The following TMEM87B variants were observed in gnomAD, a reference collection of about 807,000 sequenced individuals.
TMEM87B encodes the protein transmembrane protein 87B.
Under a neutral mutation model 80.3 loss-of-function variants are expected in TMEM87B, and 83 were observed. That is an observed-to-expected ratio of 1.03 (90% CI 0.87 to 1.24). The LOEUF is 1.24. TMEM87B is among the 50% of genes most tolerant of loss of function. TMEM87B has a pLI of 0.00. For missense variants in TMEM87B, 625 were observed against 674.4 expected, an observed-to-expected ratio of 0.93 and a Z score of 0.81; for synonymous variants, 219 against 230.5, an observed-to-expected ratio of 0.95 and a Z score of 0.45.
intron 4 of TMEM87B, among the ~76,000 whole-genome samples, chr2:112,074,465 C>G (rs1678749815): frequency 6.6e-6 from 1 of 152,072 alleles, no homozygotes; most frequent in South Asian, 2.1e-4. Context: ...TTGTGGGTGA[C>G]CTGACCTTTC....
At chr2:112,087,357 C>G (rs1213702456) in intron 9 of TMEM87B, among the ~76,000 whole-genome samples, 1 of 152,158 alleles carries the variant, frequency 6.6e-6, no homozygotes, top group African/African-American at 2.4e-5. Flanking sequence ...ACTCAATCCC[C>G]TTGCCACTAT....
intron 17 of TMEM87B, 108 bp downstream of exon 17, chr2:112,107,948 T>C: frequency 1.7e-6 from 1 of 604,854 alleles, no homozygotes; most frequent in Non-Finnish European, 2.8e-6. Flanking sequence ...TTGCATGTAC[T>C]TGGGTAAGCC....
chr2:112,106,921 G>A (rs1471720210), intron 16 of TMEM87B, among the ~76,000 whole-genome samples: 1 of 152,116 alleles, frequency 6.6e-6, no homozygotes, highest in Non-Finnish European at 1.5e-5. Flanking sequence ...ATAGATGGAT[G>A]GATAAAATAG....
At chr2:112,066,808 T>C (rs1050543442) in intron 3 of TMEM87B, 128 bp from the exon 4 acceptor site, 1 of 807,102 alleles carries the variant, frequency 1.2e-6, no homozygotes, top group Non-Finnish European at 1.8e-6. Flanking sequence ...GGTATTTTAT[T>C]CTATTGCGTA....
chr2:112,059,472 A>G (rs1052145075), intron 1 of TMEM87B, among the ~76,000 whole-genome samples: 1 of 152,040 alleles, frequency 6.6e-6, no homozygotes, highest in African/African-American at 2.4e-5. Context: ...TCCTGAGGGC[A>G]GGAAAGAATA....
chr2:112,055,446 C>A lies in TMEM87B; in HGVS notation c.-146C>A. ...TTTCCCAGAACTGCACGGCGCCTCT[C>A]CGCCCAGGCCCAAGCGCGAGCCCCT... On this transcript the variant is annotated 5_prime_UTR_variant, in exon 1 of 19. Coordinates refer to ENST00000283206, the MANE Select transcript of TMEM87B (RefSeq NM_032824.3). 1 of 968,138 alleles carries A rather than the reference C, an allele frequency of 1.0e-6. No homozygotes were observed. Among genetic ancestry groups the A allele is most frequent in the Non-Finnish European group, 1.4e-6 (1 of 702,462 alleles). 60.0% of individuals were successfully genotyped at this position (968,138 alleles called of 1,614,324 possible).
At position 112,074,897 on chromosome 2, in the gene TMEM87B, T is replaced by A; in HGVS notation, c.451-15T>A. ...TGCAGCAGTATAAAATGGCATTATT[T>A]ACTCTTTTTTCCAGAATAAAGAACT... On this transcript the variant is annotated splice_polypyrimidine_tract_variant and intron_variant, in intron 4 of 18. Coordinates refer to ENST00000283206, the MANE Select transcript of TMEM87B (RefSeq NM_032824.3). 3 of 1,561,642 alleles carry A rather than the reference T, an allele frequency of 1.9e-6. No homozygotes were observed. The highest frequency in any genetic ancestry group is 2.6e-6 in the Non-Finnish European group (3 of 1,151,878).
chr2:112,055,498 G>C lies in TMEM87B; in HGVS notation c.-94G>C, dbSNP rs918438347. 8 of 1,348,338 alleles carry C rather than the reference G, an allele frequency of 5.9e-6. No homozygotes were observed. The highest frequency in any genetic ancestry group is 7.7e-6 in the Non-Finnish European group (8 of 1,041,992). 83.5% of individuals were successfully genotyped at this position (1,348,338 alleles called of 1,614,324 possible). A position where few individuals can be genotyped will look rare whatever the true frequency, so the allele number is the denominator to read the frequency against. ...CTCCACACCCGAGTCCGAGCCCCGCGTCCCGGATTCGGACCCGCCTGCCTG... is the reference window on the plus strand; with the variant it reads ...CTCCACACCCGAGTCCGAGCCCCGCCTCCCGGATTCGGACCCGCCTGCCTG... On this transcript the variant is annotated 5_prime_UTR_variant, in exon 1 of 19. Transcript: ENST00000283206.
chr2:112,055,670 C>G lies in TMEM87B; in HGVS notation c.79C>G (p.Arg27Gly), dbSNP rs1263011745. Reference protein sequence around the residue: ...RCFPARAPLLRVALCLLCWTP... With the variant: ...RCFPARAPLLGVALCLLCWTP... ...CTTTCCCGCCCGGGCCCCGCTGCTGCGCGTCGCCCTCTGCCTCCTGTGCTG... is the reference window on the plus strand; with the variant it reads ...CTTTCCCGCCCGGGCCCCGCTGCTGGGCGTCGCCCTCTGCCTCCTGTGCTG... Residue 27 changes from arginine (R) to glycine (G), a missense_variant, in exon 1 of 19, where the codon CGC becomes GGC. By Grantham distance (125) the Arg-to-Gly change is moderately radical. Transcript: ENST00000283206. The G allele has an allele frequency of 3.2e-6, 5 of 1,584,668 alleles. No homozygotes were observed. The East Asian group carries it at 1.2e-4, about 38-fold the overall frequency.
chr2:112,091,415 G>A (rs890984517), intron 10 of TMEM87B, among the ~76,000 whole-genome samples: 3 of 152,154 alleles, frequency 2.0e-5, no homozygotes, highest in South Asian at 2.1e-4. Flanking sequence ...TGTCGGTTTG[G>A]TATGGAGGAG....
rs777629805 is a variant in TMEM87B, at chr2:112,055,595, G to A, written c.4G>A (p.Val2Ile). ...CAGGTGCAGCTTCCTGGTCAAGATG[G>A]TCGCCGCCTGCCGCTCGGTAGCCGG... The part of the protein sequence containing the change: M[V>I]AACRSVAGLL... Residue 2 changes from valine (V) to isoleucine (I), a missense_variant, in exon 1 of 19, where the codon GTC becomes ATC. Val to Ile is a conservative substitution (Grantham distance 29, BLOSUM62 3). Coordinates refer to ENST00000283206, the MANE Select transcript of TMEM87B (RefSeq NM_032824.3). The A allele has an allele frequency of 6.6e-7, 1 of 1,518,190 alleles. No homozygotes were observed. Among genetic ancestry groups the A allele is most frequent in the Non-Finnish European group, 8.8e-7 (1 of 1,135,460 alleles). The allele number at this position is 1,518,190 out of a possible 1,614,324, so 94.0% of individuals were successfully genotyped here.
intron 11 of TMEM87B, among the ~76,000 whole-genome samples, chr2:112,096,199 C>T (rs1679464249): frequency 6.6e-6 from 1 of 152,154 alleles, no homozygotes; most frequent in Non-Finnish European, 1.5e-5. Flanking sequence ...ATCCACTGAT[C>T]GATCTGAACA....
intron 17 of TMEM87B, among the ~76,000 whole-genome samples, chr2:112,110,183 G>C (rs1679875188): frequency 6.6e-6 from 1 of 152,096 alleles, no homozygotes; most frequent in Non-Finnish European, 1.5e-5. Flanking sequence ...CATTCTCTGT[G>C]ATCCTTTTTT....
At chr2:112,071,435 G>A (rs1016061381) in intron 4 of TMEM87B, among the ~76,000 whole-genome samples, 4 of 151,860 alleles carry the variant, frequency 2.6e-5, no homozygotes, top group Admixed American at 6.6e-5. Flanking sequence ...CTGAGTAGCT[G>A]GGATTACAGG....
rs564961713 is a variant in TMEM87B, at chr2:112,055,460, G to A, written c.-132G>A. On this transcript the variant is annotated 5_prime_UTR_variant, in exon 1 of 19. Coordinates refer to ENST00000283206, the MANE Select transcript of TMEM87B (RefSeq NM_032824.3). ...ACGGCGCCTCTCCGCCCAGGCCCAA[G>A]CGCGAGCCCCTCCTCCACACCCGAG... The A allele has an allele frequency of 9.0e-4, 994 of 1,104,118 alleles. 3 individuals are homozygous for A. The highest frequency in any genetic ancestry group is 1.0e-3 in the Non-Finnish European group (852 of 824,532). 68.4% of individuals were successfully genotyped at this position (1,104,118 alleles called of 1,614,324 possible). A position where few individuals can be genotyped will look rare whatever the true frequency, so the allele number is the denominator to read the frequency against.
Position 112,062,264 on chromosome 2 carries a change from A to G in TMEM87B, c.227-1898A>G, listed in dbSNP as rs567460193. Among the ~76,000 whole-genome samples, 5 of 152,358 alleles carry G rather than the reference A, an allele frequency of 3.3e-5. No homozygotes were observed. In the East Asian group the frequency reaches 7.7e-4, roughly 23 times the overall value. On this transcript the variant is annotated intron_variant, in intron 2 of 18. Coordinates refer to ENST00000283206, the MANE Select transcript of TMEM87B (RefSeq NM_032824.3). ...GTCGATGCTGTTTGGGAGATCAGAT[A>G]TCTGGCTTTTTTAAGGCAACCTCTC...
intron 17 of TMEM87B, among the ~76,000 whole-genome samples, chr2:112,111,811 C>T (rs1052015731): frequency 3.9e-5 from 6 of 152,156 alleles, no homozygotes; most frequent in African/African-American, 7.2e-5. Flanking sequence ...TCCTCATCTT[C>T]GATAACCCAT....
intron 14 of TMEM87B, among the ~76,000 whole-genome samples, chr2:112,099,653 A>G (rs1316906240): frequency 6.7e-6 from 1 of 150,162 alleles, no homozygotes; most frequent in Admixed American, 6.6e-5. Context: ...AGGTGGGTGT[A>G]TGACTTGAGC....
In TMEM87B at chr2:112,064,208, G is replaced by A; in HGVS notation, c.273G>A (p.Trp91Ter). The change falls in exon 3 of 19, where the codon TGG becomes TGA. Residue 91 changes from tryptophan to a stop codon, truncating the protein, a stop_gained. Coordinates refer to ENST00000283206, the MANE Select transcript of TMEM87B (RefSeq NM_032824.3). LOFTEE classifies it high-confidence loss of function. ...CSGPVKFTIVWHLKYHTCHNE... is the reference protein window; with the variant it reads ...CSGPVKFTIV ...GGCCTGTGAAGTTTACCATAGTGTGGCATTTGAAGTATCATACCTGTCACA... is the reference window on the plus strand; with the variant it reads ...GGCCTGTGAAGTTTACCATAGTGTGACATTTGAAGTATCATACCTGTCACA... 1 of 1,613,792 alleles carries A rather than the reference G, an allele frequency of 6.2e-7. No individual in the cohort carries two copies. The highest frequency in any genetic ancestry group is 8.5e-7 in the Non-Finnish European group (1 of 1,179,874).
Sources: gnomAD v4.1 joint callset for allele counts (sites outside exome capture counted in the v4.1 genomes callset) on GRCh38, gnomAD v4.1.1 for gene constraint, MANE v1.5 for transcripts, NCBI Gene and HGNC (gene_info 2026-07-23, HGNC 2026-07-21) for gene names.